STX8: variants seen among roughly 807,000 people sequenced by gnomAD.
STX8 encodes the protein syntaxin-8.
In STX8, 23 loss-of-function variants were observed where a neutral mutation model predicts 37.5. The observed-to-expected ratio is 0.61, with a 90% CI of 0.44 to 0.87. The LOEUF (loss-of-function observed/expected upper bound fraction) is 0.87. Among genes scored for constraint, STX8 ranks in the 40% least tolerant of loss-of-function variants. STX8 has a pLI of 0.00. For missense variants in STX8, 313 were observed against 284.7 expected, an observed-to-expected ratio of 1.10 and a Z score of -0.71; for synonymous variants, 115 against 99.1, an observed-to-expected ratio of 1.16 and a Z score of -0.95.
chr17:9,522,991 C>T (rs1597722941), intron 4 of STX8, among the ~76,000 whole-genome samples: 1 of 151,996 alleles, frequency 6.6e-6, no homozygotes, highest in East Asian at 1.9e-4. Context: ...CTGATTTGAT[C>T]ATTACACATT....
At chr17:9,453,991 C>A (rs1905117356) in intron 6 of STX8, among the ~76,000 whole-genome samples, 1 of 152,114 alleles carries the variant, frequency 6.6e-6, no homozygotes, top group South Asian at 2.1e-4. Context: ...TGGCTTCAGA[C>A]ACTGGTGCAA....
intron 7 of STX8, among the ~76,000 whole-genome samples, chr17:9,278,529 G>A (rs1303672779): frequency 3.3e-5 from 5 of 152,188 alleles, no homozygotes; most frequent in African/African-American, 7.2e-5. Flanking sequence ...ATAGTGAGAG[G>A]AGAGGAGGAA....
At chr17:9,359,373 A>G (rs1910985999) in intron 7 of STX8, among the ~76,000 whole-genome samples, 1 of 152,004 alleles carries the variant, frequency 6.6e-6, no homozygotes, top group East Asian at 1.9e-4. Flanking sequence ...AGATAAACAC[A>G]CTGGCCCTGG....
At chr17:9,502,804 T>C (rs1597712382) in intron 5 of STX8, among the ~76,000 whole-genome samples, 1 of 152,118 alleles carries the variant, frequency 6.6e-6, no homozygotes, top group South Asian at 2.1e-4. Flanking sequence ...AAATCTATAA[T>C]ATAAGAGTGA....
At chr17:9,263,850 G>A (rs1907134712) in intron 7 of STX8, among the ~76,000 whole-genome samples, 2 of 152,226 alleles carry the variant, frequency 1.3e-5, no homozygotes, top group South Asian at 2.1e-4. Context: ...TTCATATGAT[G>A]TGACTTTGAC....
At chr17:9,351,712 T>C (rs1346017917) in intron 7 of STX8, among the ~76,000 whole-genome samples, 1 of 152,198 alleles carries the variant, frequency 6.6e-6, no homozygotes, top group African/African-American at 2.4e-5. Context: ...ACAATTCTTC[T>C]ATCCTTTTTC....
chr17:9,449,105 A>C (rs1204341594), intron 6 of STX8, among the ~76,000 whole-genome samples: 1 of 152,210 alleles, frequency 6.6e-6, no homozygotes, highest in Non-Finnish European at 1.5e-5. Flanking sequence ...TTAGAAAACT[A>C]AACATATGCT....
chr17:9,302,738 A>G lies in STX8; in HGVS notation c.644-52093T>C, dbSNP rs555310296. ...CAAGACAGAGAGAAAGTGGGCTGAGAATGACTCCATGAAAAGGCAAAACCA... is the reference window on the plus strand; with the variant it reads ...CAAGACAGAGAGAAAGTGGGCTGAGGATGACTCCATGAAAAGGCAAAACCA... On this transcript the variant is annotated intron_variant, in intron 7 of 7. Transcript: ENST00000306357. 1.1e-4 allele frequency among the ~76,000 whole-genome samples: 16 copies of G among 152,164 alleles called. No individual in the cohort carries two copies. In the South Asian group the frequency reaches 3.1e-3, roughly 30 times the overall value.
chr17:9,274,132 C>T (rs1413497679), intron 7 of STX8, among the ~76,000 whole-genome samples: 1 of 152,142 alleles, frequency 6.6e-6, no homozygotes, highest in African/African-American at 2.4e-5. Context: ...AAATGTGCCA[C>T]CTACTCTGGC....
intron 4 of STX8, among the ~76,000 whole-genome samples, chr17:9,537,137 G>A (rs982418086): frequency 5.3e-5 from 8 of 152,200 alleles, no homozygotes; most frequent in African/African-American, 1.2e-4. Flanking sequence ...GATTCTAATC[G>A]TTGCTCAAGA....
chr17:9,527,119 C>T (rs9747178), intron 4 of STX8, among the ~76,000 whole-genome samples: 61,447 of 132,150 alleles, frequency 0.46, 14,978 homozygotes, highest in Non-Finnish European at 0.54. Context: ...GCGGAGCTTG[C>T]AGTGAGCCGA....
chr17:9,314,976 C>T (rs1052865434), intron 7 of STX8, among the ~76,000 whole-genome samples: 3 of 151,516 alleles, frequency 2.0e-5, no homozygotes, highest in Admixed American at 6.6e-5. Context: ...GTGGCATGCA[C>T]CTGTAGTCCC....
intron 6 of STX8, among the ~76,000 whole-genome samples, chr17:9,391,410 C>T (rs1912215072): frequency 6.6e-6 from 1 of 151,936 alleles, no homozygotes; most frequent in South Asian, 2.1e-4. Context: ...GGAGATCATG[C>T]CATTGCACTC....
chr17:9,411,621 T>A (rs547482105), intron 6 of STX8, among the ~76,000 whole-genome samples: 21 of 152,306 alleles, frequency 1.4e-4, no homozygotes, highest in Non-Finnish European at 2.5e-4. Context: ...TCCGGGATAA[T>A]CAATGTTAAA....
intron 5 of STX8, among the ~76,000 whole-genome samples, chr17:9,495,315 T>C (rs1261098376): frequency 6.6e-6 from 1 of 152,172 alleles, no homozygotes; most frequent in East Asian, 1.9e-4. Flanking sequence ...CCAAGATAAA[T>C]CCATCCTCAA....
intron 7 of STX8, among the ~76,000 whole-genome samples, 195 bp from the exon 8 acceptor site, chr17:9,250,840 C>T (rs963209912): frequency 2.6e-5 from 4 of 151,818 alleles, no homozygotes; most frequent in African/African-American, 9.7e-5. Flanking sequence ...ATGCTGAGTG[C>T]AGAAGGCAGG....
At chr17:9,505,768 C>T (rs561115200) in intron 4 of STX8, among the ~76,000 whole-genome samples, 3 of 152,100 alleles carry the variant, frequency 2.0e-5, no homozygotes, top group Admixed American at 6.5e-5. Flanking sequence ...TGATGAAACC[C>T]TGTCTCTAAT....
Position 9,545,612 on chromosome 17 carries a change from G to A in STX8, c.213-330C>T, listed in dbSNP as rs139476347. Among the ~76,000 whole-genome samples the A allele has an allele frequency of 6.6e-3, 1,007 of 152,196 alleles. 12 individuals are homozygous for A. Among genetic ancestry groups the A allele is most frequent in the African/African-American group, 0.023 (936 of 41,526 alleles). On this transcript the variant is annotated intron_variant, in intron 3 of 7. Coordinates refer to ENST00000306357, the MANE Select transcript of STX8 (RefSeq NM_004853.3). ...TTACTTATTTTTGAGACAGAGTCTC[G>A]CTCTGTCGCCCAGGCTGGAGTGCAA...
chr17:9,426,703 G>A (rs894540665), intron 6 of STX8, among the ~76,000 whole-genome samples: 4 of 151,802 alleles, frequency 2.6e-5, no homozygotes, highest in Non-Finnish European at 4.4e-5. Flanking sequence ...AGAGGCTGCA[G>A]TGACCTTATG....
Sources: gnomAD v4.1 joint callset for allele counts (sites outside exome capture counted in the v4.1 genomes callset) on GRCh38, gnomAD v4.1.1 for gene constraint, MANE v1.5 for transcripts, NCBI Gene and HGNC (gene_info 2026-07-23, HGNC 2026-07-21) for gene names.